Variants in ESR2 observed in about 807,000 individuals in gnomAD.
ESR2 encodes the protein estrogen receptor beta.
In ESR2, 36 loss-of-function variants were observed where a neutral mutation model predicts 49.6. The ratio of observed to expected loss-of-function variants is 0.73; its 90% confidence interval spans 0.56 to 0.96. The LOEUF is 0.96. Ranked by LOEUF, ESR2 falls within the 40% of genes least tolerant of loss-of-function variation. The pLI, the probability that ESR2 is intolerant of heterozygous loss-of-function variation, is 0.00. For missense variants in ESR2, 714 were observed against 693.0 expected (o/e 1.03, Z -0.34); for synonymous variants, 320 against 266.1 (o/e 1.20, Z -1.97).
chr14:64,313,037 A>C (rs1596484433), intron 1 of ESR2, among the ~76,000 whole-genome samples: 1 of 152,330 alleles, frequency 6.6e-6, no homozygotes, highest in East Asian at 1.9e-4. Flanking sequence ...GGAATTTGAC[A>C]GTAAGAGGAT....
intron 1 of ESR2, among the ~76,000 whole-genome samples, chr14:64,322,201 G>T (rs570929838): frequency 1.6e-4 from 24 of 152,196 alleles, no homozygotes; most frequent in African/African-American, 5.8e-4. Context: ...TGGGATTACA[G>T]GTACCCACCA....
chr14:64,315,898 C>T (rs1162412202), intron 1 of ESR2, among the ~76,000 whole-genome samples: 1 of 152,198 alleles, frequency 6.6e-6, no homozygotes, highest in East Asian at 1.9e-4. Context: ...CGTGATCCAC[C>T]CGCCTCAGCC....
chr14:64,248,786 G>T (rs1483808328), intron 7 of ESR2, among the ~76,000 whole-genome samples: 1 of 152,094 alleles, frequency 6.6e-6, no homozygotes, highest in Non-Finnish European at 1.5e-5. Flanking sequence ...TGTCAGTTCA[G>T]GCTCTCATTG....
intron 4 of ESR2, among the ~76,000 whole-genome samples, chr14:64,266,771 C>T (rs2076337810): frequency 6.6e-6 from 1 of 152,166 alleles, no homozygotes; most frequent in Admixed American, 6.5e-5. Flanking sequence ...CTAAAGAATT[C>T]TGAATTCAGG....
At position 64,280,103 on chromosome 14, in the gene ESR2, G is replaced by C; in HGVS notation, c.413C>G (p.Thr138Ser). ...AGCATCCCTCTTTGAACCTGGACCA[G>C]TAACAGGGCTGGCGCAACGGTTCCC... ...VSGNRCASPVTGPGSKRDAHF... is the reference protein window; with the variant it reads ...VSGNRCASPVSGPGSKRDAHF... The change falls in exon 3 of 9, where the codon ACT (threonine) becomes AGT (serine). Residue 138 changes from threonine (T) to serine (S), a missense_variant. Physicochemically the swap from Thr to Ser is moderately conservative, Grantham distance 58. Transcript: ENST00000341099. 1 of 1,614,092 alleles carries C rather than the reference G, an allele frequency of 6.2e-7. No homozygotes were observed. The highest frequency in any genetic ancestry group is 8.5e-7 in the Non-Finnish European group (1 of 1,179,952).
rs1205872387 is a variant in ESR2 at position 64,230,190 on chromosome 14, CCT to C, written c.*2945_*2946del. Among the ~76,000 whole-genome samples the C allele has an allele frequency of 1.5e-5, 2 of 131,806 alleles. No homozygotes were observed. The highest frequency in any genetic ancestry group is 6.0e-5 in the African/African-American group (2 of 33,096). 86.5% of individuals were successfully genotyped at this position (131,806 alleles called of 152,430 possible). A position where few individuals can be genotyped will look rare whatever the true frequency, so the allele number is the denominator to read the frequency against. On this transcript the variant is annotated 3_prime_UTR_variant, in exon 9 of 9. Transcript: ENST00000341099. The stretch of plus-strand genomic sequence containing the variant: ...CTAGCCTGAGCAACAGGAGTCAGAC[CCT>C]GTCTCAAAAAAAAAAAAAAAAAGGT...
At chr14:64,261,363 G>A (rs1373194651) in intron 4 of ESR2, among the ~76,000 whole-genome samples, 4 of 147,766 alleles carry the variant, frequency 2.7e-5, no homozygotes, top group Non-Finnish European at 4.5e-5. Flanking sequence ...TCAGCCTCCC[G>A]AGTAGCTAGG....
intron 4 of ESR2, among the ~76,000 whole-genome samples, chr14:64,262,012 C>T (rs2076234481): frequency 6.6e-6 from 1 of 152,012 alleles, no homozygotes; most frequent in African/African-American, 2.4e-5. Context: ...CATTAAAAAT[C>T]ATTTTTAATG....
At chr14:64,293,002 C>A (rs2076896976) in intron 1 of ESR2, among the ~76,000 whole-genome samples, 1 of 152,132 alleles carries the variant, frequency 6.6e-6, no homozygotes, top group Non-Finnish European at 1.5e-5. Context: ...TTCAGAAATT[C>A]ATCTAAAAAA....
intron 3 of ESR2, among the ~76,000 whole-genome samples, chr14:64,271,241 G>A (rs919922588): frequency 6.6e-6 from 1 of 151,836 alleles, no homozygotes; most frequent in African/African-American, 2.4e-5. Flanking sequence ...CATGTAGCTG[G>A]GACTCCCACT....
chr14:64,237,227 T>C (rs568525461), intron 7 of ESR2, among the ~76,000 whole-genome samples: 1 of 152,324 alleles, frequency 6.6e-6, no homozygotes, highest in Admixed American at 6.5e-5. Context: ...CCCAAAGTGC[T>C]GGGATTACAA....
intron 1 of ESR2, among the ~76,000 whole-genome samples, chr14:64,312,669 T>C (rs2077199658): frequency 6.6e-6 from 1 of 152,188 alleles, no homozygotes; most frequent in Non-Finnish European, 1.5e-5. Flanking sequence ...TGTCTCTTTG[T>C]TGTGCTTATT....
At chr14:64,270,444 C>T (rs1343343606) in intron 3 of ESR2, among the ~76,000 whole-genome samples, 1 of 152,120 alleles carries the variant, frequency 6.6e-6, no homozygotes, top group Non-Finnish European at 1.5e-5. Flanking sequence ...CAGGGATTTG[C>T]TCTATAATCA....
intron 3 of ESR2, among the ~76,000 whole-genome samples, chr14:64,271,389 G>A (rs1285515419): frequency 1.3e-5 from 2 of 152,138 alleles, no homozygotes; most frequent in Non-Finnish European, 2.9e-5. Context: ...TCAGTGGCAT[G>A]ATCTCGACTC....
intron 6 of ESR2, among the ~76,000 whole-genome samples, chr14:64,254,352 T>TA (rs1357849516): frequency 6.6e-6 from 1 of 152,142 alleles, no homozygotes; most frequent in African/African-American, 2.4e-5. Flanking sequence ...CAAATATACC[T>TA]ATTACATAAA....
chr14:64,328,366 C>A (rs1441099075), intron 1 of ESR2, among the ~76,000 whole-genome samples: 1 of 151,966 alleles, frequency 6.6e-6, no homozygotes, highest in Non-Finnish European at 1.5e-5. Context: ...TTGCAGTGAG[C>A]TGAAATTGCA....
At chr14:64,246,734 C>CCAAAAAAAA (rs2075864543) in intron 7 of ESR2, among the ~76,000 whole-genome samples, 1 of 36,432 alleles carries the variant, frequency 2.7e-5, no homozygotes, top group African/African-American at 1.3e-4. Context: ...AAGACTCTGT[C>CCAAAAAAAA]AAAAAAAAAA....
intron 1 of ESR2, among the ~76,000 whole-genome samples, chr14:64,284,845 C>CA (rs2076756667): frequency 6.6e-6 from 1 of 150,382 alleles, no homozygotes; most frequent in Non-Finnish European, 1.5e-5. Context: ...CTCATTATCG[C>CA]ATTACTTTTT....
chr14:64,287,282 T>C (rs1343815991), intron 1 of ESR2, among the ~76,000 whole-genome samples: 4 of 152,130 alleles, frequency 2.6e-5, no homozygotes, highest in Non-Finnish European at 5.9e-5. Flanking sequence ...TACCCAGCAG[T>C]GGTGAAACCA....
Sources: allele counts gnomAD v4.1 joint callset (sites outside exome capture counted in the v4.1 genomes callset), GRCh38; gene constraint gnomAD v4.1.1; transcripts MANE v1.5; gene names NCBI Gene and HGNC (gene_info 2026-07-23, HGNC 2026-07-21).